The following PDE4D variants were observed in gnomAD, a reference collection of about 807,000 sequenced individuals.
PDE4D encodes phosphodiesterase 4D.
A neutral mutation model predicts 87.4 loss-of-function variants in PDE4D; 24 were observed. That is an observed-to-expected ratio of 0.27 (90% CI 0.20 to 0.39). PDE4D has a LOEUF of 0.39. PDE4D is among the 10% of genes least tolerant of loss of function. The probability of loss-of-function intolerance (pLI) is 1.00; values close to 1 mark genes in which losing one functional copy is unlikely to be tolerated. For missense variants in PDE4D, 714 were observed against 1,041.0 expected, an observed-to-expected ratio of 0.69 and a Z score of 4.32; for synonymous variants, 384 against 383.2, an observed-to-expected ratio of 1.00 and a Z score of -0.02.
At chr5:60,072,982 T>C (rs1202899864) in intron 2 of PDE4D, among the ~76,000 whole-genome samples, 1 of 152,096 alleles carries the variant, frequency 6.6e-6, no homozygotes, top group Non-Finnish European at 1.5e-5. Context: ...CTTGGCTGTT[T>C]GGTATTGCCT....
intron 1 of PDE4D, among the ~76,000 whole-genome samples, chr5:59,698,757 A>T (rs1432080790): frequency 6.6e-6 from 1 of 152,210 alleles, no homozygotes; most frequent in Non-Finnish European, 1.5e-5. Context: ...CAGTGAATCA[A>T]CATTCTGCGC....
At chr5:60,110,056 T>C (rs1386798633) in intron 2 of PDE4D, among the ~76,000 whole-genome samples, 1 of 152,004 alleles carries the variant, frequency 6.6e-6, no homozygotes, top group East Asian at 1.9e-4. Flanking sequence ...GGTTGGGTGG[T>C]TGCTTTTCTG....
chr5:60,124,312 T>C (rs1376775782), intron 2 of PDE4D, among the ~76,000 whole-genome samples: 1 of 152,198 alleles, frequency 6.6e-6, no homozygotes, highest in Non-Finnish European at 1.5e-5. Context: ...TTTCTTACAA[T>C]ATTTCAGCTC....
intron 1 of PDE4D, among the ~76,000 whole-genome samples, chr5:60,408,156 A>T (rs1258297746): frequency 6.6e-6 from 1 of 152,112 alleles, no homozygotes; most frequent in Non-Finnish European, 1.5e-5. Flanking sequence ...CCTGCCCTTC[A>T]AGTCTGCACA....
chr5:59,728,633 T>C (rs553578134), intron 1 of PDE4D, among the ~76,000 whole-genome samples: 14 of 152,212 alleles, frequency 9.2e-5, no homozygotes, highest in African/African-American at 2.9e-4. Context: ...CAATTATTCA[T>C]GATTTTAAAT....
At chr5:59,622,106 C>A (rs1383681654) in intron 1 of PDE4D, among the ~76,000 whole-genome samples, 2 of 151,982 alleles carry the variant, frequency 1.3e-5, no homozygotes, top group Admixed American at 6.6e-5. Context: ...CTCACTGGAC[C>A]CCAAGTTCAA....
intron 3 of PDE4D, among the ~76,000 whole-genome samples, chr5:59,971,444 A>G (rs893513435): frequency 6.6e-6 from 1 of 152,116 alleles, no homozygotes; most frequent in Non-Finnish European, 1.5e-5. Context: ...AATTAAAACA[A>G]AATAGCACTT....
intron 1 of PDE4D, among the ~76,000 whole-genome samples, chr5:59,670,422 C>T (rs538315399): frequency 1.3e-5 from 2 of 152,146 alleles, no homozygotes; most frequent in African/African-American, 4.8e-5. Context: ...CACACCTGAC[C>T]TCATGTGACA....
intron 1 of PDE4D, among the ~76,000 whole-genome samples, chr5:59,626,709 G>A (rs1830941207): frequency 6.6e-6 from 1 of 152,136 alleles, no homozygotes; most frequent in African/African-American, 2.4e-5. Context: ...TCCAAATCAT[G>A]TAACAAGTTA....
chr5:59,266,776 T>G (rs1429682605), intron 1 of PDE4D, among the ~76,000 whole-genome samples: 3 of 152,036 alleles, frequency 2.0e-5, no homozygotes, highest in African/African-American at 7.2e-5. Flanking sequence ...TAGCAGCTTG[T>G]TGACTACTTT....
intron 1 of PDE4D, among the ~76,000 whole-genome samples, chr5:60,245,894 A>C (rs1166438958): frequency 6.6e-6 from 1 of 151,888 alleles, no homozygotes; most frequent in African/African-American, 2.4e-5. Context: ...GTCAAAAATA[A>C]TTCAATTGTA....
At chr5:59,664,331 G>A (rs888343222) in intron 1 of PDE4D, among the ~76,000 whole-genome samples, 2 of 152,148 alleles carry the variant, frequency 1.3e-5, no homozygotes, top group African/African-American at 4.8e-5. Context: ...CTAGATCTGT[G>A]ATTTACCAAG....
intron 1 of PDE4D, among the ~76,000 whole-genome samples, chr5:59,752,778 A>G (rs933028674): frequency 6.6e-6 from 1 of 152,118 alleles, no homozygotes; most frequent in Non-Finnish European, 1.5e-5. Context: ...AGGTTGAGCA[A>G]CCCTGCTCTA....
intron 1 of PDE4D, among the ~76,000 whole-genome samples, chr5:59,401,708 G>A (rs1038924757): frequency 6.6e-6 from 1 of 152,196 alleles, no homozygotes; most frequent in South Asian, 2.1e-4. Flanking sequence ...TGCTCTTGCA[G>A]CAATTGGTTT....
intron 2 of PDE4D, among the ~76,000 whole-genome samples, chr5:60,181,424 A>C (rs560360605): frequency 1.2e-4 from 19 of 152,298 alleles, no homozygotes; most frequent in African/African-American, 4.3e-4. Flanking sequence ...TGGGCTTTAA[A>C]TTCATTATGA....
intron 5 of PDE4D, among the ~76,000 whole-genome samples, chr5:59,133,983 T>TTTGTTG (rs71604780): frequency 0.39 from 57,628 of 147,566 alleles, 11,760 homozygotes; most frequent in African/African-American, 0.48. Flanking sequence ...AGCAACTAGT[T>TTTGTTG]TTGTTGTTGT....
At chr5:59,591,163 T>TA (rs1322129790) in intron 1 of PDE4D, among the ~76,000 whole-genome samples, 2 of 152,146 alleles carry the variant, frequency 1.3e-5, no homozygotes, top group Non-Finnish European at 2.9e-5. Flanking sequence ...TCTGGCTCTT[T>TA]AAAAAAAATT....
At chr5:59,282,992 C>T in intron 1 of PDE4D, among the ~76,000 whole-genome samples, 1 of 152,230 alleles carries the variant, frequency 6.6e-6, no homozygotes, top group African/African-American at 2.4e-5. Context: ...TGGAGTCAGA[C>T]TGCCTGGTTG....
intron 2 of PDE4D, among the ~76,000 whole-genome samples, chr5:60,113,075 C>A (rs1194749227): frequency 6.6e-6 from 1 of 151,944 alleles, no homozygotes; most frequent in Non-Finnish European, 1.5e-5. Context: ...CAGTCATGTA[C>A]TTTTTAGCCT....
Sources: gnomAD v4.1 joint callset for allele counts (sites outside exome capture counted in the v4.1 genomes callset) on GRCh38, gnomAD v4.1.1 for gene constraint, MANE v1.5 for transcripts, NCBI Gene and HGNC (gene_info 2026-07-23, HGNC 2026-07-21) for gene names.